Variants in EML4 observed in about 807,000 individuals in gnomAD.
The protein encoded by EML4 is EMAP like 4.
A neutral mutation model predicts 129.0 loss-of-function variants in EML4; 72 were observed. The observed-to-expected ratio is 0.56, with a 90% confidence interval of 0.46 to 0.68. The LOEUF (loss-of-function observed/expected upper bound fraction) is 0.68. Among genes scored for constraint, EML4 ranks in the 30% least tolerant of loss-of-function variants. The pLI is 0.00. For synonymous variants in EML4, 532 were observed against 405.0 expected (o/e 1.31, Z -3.77); for missense variants, 1,363 against 1,190.6 (o/e 1.14, Z -2.13).
chr2:42,175,061 C>T (rs1475702230), intron 1 of EML4, among the ~76,000 whole-genome samples: 3 of 151,282 alleles, frequency 2.0e-5, no homozygotes, highest in East Asian at 2.0e-4. Flanking sequence ...GTGTGATCCA[C>T]CCACCTTGGC....
intron 1 of EML4, among the ~76,000 whole-genome samples, chr2:42,218,309 C>T (rs905490176): frequency 2.6e-5 from 4 of 151,892 alleles, no homozygotes; most frequent in Non-Finnish European, 5.9e-5. Context: ...CATCTAGTTG[C>T]AGGAAAACAA....
At chr2:42,285,867 A>G (rs577929990) in intron 9 of EML4, 40 of 205,940 alleles carry the variant, frequency 1.9e-4, no homozygotes, top group Non-Finnish European at 3.5e-4. Context: ...CCAAAGTGCT[A>G]GGATTACCGG....
At chr2:42,293,191 C>T (rs1416548892) in intron 11 of EML4, among the ~76,000 whole-genome samples, 1 of 151,982 alleles carries the variant, frequency 6.6e-6, no homozygotes, top group Non-Finnish European at 1.5e-5. Context: ...TCACTGCAAC[C>T]TCAAACTCCT....
chr2:42,244,081 GTTT>G (rs1558534103), intron 1 of EML4, among the ~76,000 whole-genome samples: 6 of 139,782 alleles, frequency 4.3e-5, no homozygotes, highest in Non-Finnish European at 7.7e-5. Flanking sequence ...TTTGTTTTTT[GTTT>G]TTTGTTTTTG....
At chr2:42,257,295 G>A (rs949442945) in intron 3 of EML4, among the ~76,000 whole-genome samples, 4 of 152,048 alleles carry the variant, frequency 2.6e-5, no homozygotes, top group African/African-American at 9.7e-5. Flanking sequence ...CAAATTATTC[G>A]ATGTAGAGTT....
At chr2:42,243,824 G>A (rs151181430) in intron 1 of EML4, among the ~76,000 whole-genome samples, 7 of 152,168 alleles carry the variant, frequency 4.6e-5, no homozygotes, top group African/African-American at 1.7e-4. Context: ...TGTGGTGGTG[G>A]TTTTAAACTT....
intron 1 of EML4, among the ~76,000 whole-genome samples, chr2:42,224,317 T>C (rs535031433): frequency 1.3e-5 from 2 of 152,292 alleles, no homozygotes; most frequent in African/African-American, 4.8e-5. Flanking sequence ...TAGTCTTTTG[T>C]CACTGGCTTC....
chr2:42,328,622 G>C (rs1200677508), intron 21 of EML4, among the ~76,000 whole-genome samples: 1 of 152,164 alleles, frequency 6.6e-6, no homozygotes, highest in Non-Finnish European at 1.5e-5. Flanking sequence ...AGCACCACCT[G>C]CTGGTTACCA....
intron 17 of EML4, among the ~76,000 whole-genome samples, chr2:42,313,639 A>G (rs1242452321): frequency 6.6e-6 from 1 of 152,170 alleles, no homozygotes; most frequent in African/African-American, 2.4e-5. Context: ...ATGAAAAGAA[A>G]CTTATTGGCC....
intron 1 of EML4, among the ~76,000 whole-genome samples, chr2:42,208,566 T>C (rs1328512801): frequency 6.6e-6 from 1 of 151,678 alleles, no homozygotes; most frequent in Non-Finnish European, 1.5e-5. Flanking sequence ...TCCAAGTAGC[T>C]GAGATTACAG....
At position 42,330,063 on chromosome 2, in the gene EML4, T is replaced by C; in HGVS notation, c.2802T>C (p.Ser934=). 6.2e-7 allele frequency: 1 copy of C among 1,613,274 alleles called. No individual in the cohort carries two copies. Among genetic ancestry groups the C allele is most frequent in the Non-Finnish European group, 8.5e-7 (1 of 1,179,924 alleles). Reference sequence around the variant, plus strand: ...GCCTGGAACAAACTGTGGAGCCAAGTGAAGACCACAGCGAGGAGGAGAGTG... The same window carrying C: ...GCCTGGAACAAACTGTGGAGCCAAGCGAAGACCACAGCGAGGAGGAGAGTG... ...ENSLEQTVEP[S]EDHSEEESEE... Residue 934 remains serine, a synonymous_variant, in exon 23 of 23, where the codon AGT becomes AGC. Coordinates refer to ENST00000318522, the MANE Select transcript of EML4 (RefSeq NM_019063.5).
At chr2:42,222,924 A>G (rs1379999883) in intron 1 of EML4, among the ~76,000 whole-genome samples, 4 of 151,794 alleles carry the variant, frequency 2.6e-5, no homozygotes, top group Non-Finnish European at 5.9e-5. Flanking sequence ...TCAGCCTCCC[A>G]AGTAGCTGGG....
rs574197009 is a variant in EML4, at chr2:42,269,454, G to T, written c.667+4723G>T. ...TGTCAGACCCTATCCTAGGCATTCA[G>T]AGTTACAGTAGTTACAGTGTTGAAC... On this transcript the variant is annotated intron_variant, in intron 6 of 22. Coordinates refer to ENST00000318522, the MANE Select transcript of EML4 (RefSeq NM_019063.5). 5.9e-5 allele frequency among the ~76,000 whole-genome samples: 9 copies of T among 152,232 alleles called. No homozygotes were observed. In the East Asian group the frequency reaches 1.7e-3, roughly 29 times the overall value.
intron 1 of EML4, among the ~76,000 whole-genome samples, chr2:42,177,695 C>T (rs374641285): frequency 6.6e-6 from 1 of 152,114 alleles, no homozygotes; most frequent in Non-Finnish European, 1.5e-5. Flanking sequence ...GTGAAATGTT[C>T]TAGACTTTAT....
intron 1 of EML4, among the ~76,000 whole-genome samples, chr2:42,201,007 T>G (rs1463096335): frequency 6.6e-6 from 1 of 152,220 alleles, no homozygotes; most frequent in Non-Finnish European, 1.5e-5. Flanking sequence ...CTAATTGTTG[T>G]CTATAGCAGT....
chr2:42,261,497 G>GAAAAAAAA (rs10573221), intron 4 of EML4: 2 of 219,868 alleles, frequency 9.1e-6, no homozygotes, highest in Non-Finnish European at 8.4e-6. Context: ...GTTAAAACTG[G>GAAAAAAAA]AAAAAAAAAA....
chr2:42,263,358 A>C, intron 5 of EML4, 52 bp downstream of exon 5: 2 of 980,868 alleles, frequency 2.0e-6, no homozygotes, highest in Non-Finnish European at 3.0e-6. Context: ...TTATTTGGCT[A>C]TTATGTTTGC....
intron 2 of EML4, among the ~76,000 whole-genome samples, chr2:42,254,123 A>G (rs1675968867): frequency 6.6e-6 from 1 of 152,210 alleles, no homozygotes; most frequent in Non-Finnish European, 1.5e-5. Flanking sequence ...TGAAGTTGTT[A>G]TGCCATTTGA....
intron 2 of EML4, among the ~76,000 whole-genome samples, chr2:42,247,293 A>G (rs539332976): frequency 1.3e-5 from 2 of 152,276 alleles, no homozygotes; most frequent in South Asian, 4.1e-4. Context: ...GTGCAAAGAT[A>G]GGTCGTCAGT....
Sources: gnomAD v4.1 joint callset for allele counts (sites outside exome capture counted in the v4.1 genomes callset) on GRCh38, gnomAD v4.1.1 for gene constraint, MANE v1.5 for transcripts, NCBI Gene and HGNC (gene_info 2026-07-23, HGNC 2026-07-21) for gene names.